The following THRB variants were observed in gnomAD, a reference collection of about 807,000 sequenced individuals.
THRB encodes the protein thyroid hormone receptor beta.
In THRB, 12 loss-of-function variants were observed where a neutral mutation model predicts 47.8. The ratio of observed to expected loss-of-function variants is 0.25; its 90% CI spans 0.16 to 0.41. The LOEUF is 0.41. THRB is among the 10% of genes least tolerant of loss of function. THRB has a pLI of 1.00. For missense variants in THRB, 348 were observed against 589.2 expected, an observed-to-expected ratio of 0.59 and a Z score of 4.24; for synonymous variants, 218 against 212.2, an observed-to-expected ratio of 1.03 and a Z score of -0.24.
intron 1 of THRB, among the ~76,000 whole-genome samples, chr3:24,482,140 C>A (rs1378428238): frequency 2.0e-5 from 3 of 152,160 alleles, no homozygotes; most frequent in Non-Finnish European, 4.4e-5. Context: ...GCCTTTTGGA[C>A]AATCATGCTC....
intron 1 of THRB, among the ~76,000 whole-genome samples, chr3:24,345,593 G>A (rs181579239): frequency 3.6e-3 from 541 of 152,224 alleles, no homozygotes; most frequent in Non-Finnish European, 5.8e-3. Flanking sequence ...AAATTAGTAA[G>A]TTCAATATTA....
chr3:24,120,217 C>G lies in THRB; in HGVS notation c.*2667G>C, dbSNP rs1343313032. 6.8e-6 allele frequency: 1 copy of G among 146,962 alleles called. No homozygotes were observed. Among genetic ancestry groups the G allele is most frequent in the African/African-American group, 2.6e-5 (1 of 39,126 alleles). 9.1% of individuals were successfully genotyped at this position (146,962 alleles called of 1,614,324 possible). A position where few individuals can be genotyped will look rare whatever the true frequency, so the allele number is the denominator to read the frequency against. On this transcript the variant is annotated 3_prime_UTR_variant, in exon 11 of 11. Coordinates refer to ENST00000646209, the MANE Select transcript of THRB (RefSeq NM_001354712.2). The stretch of plus-strand genomic sequence containing the variant: ...TGAGTCCTATGGCCTTTCCTTTCAA[C>G]CTGAAGGTGGGCTAAGGCTTGTCCT...
intron 1 of THRB, among the ~76,000 whole-genome samples, chr3:24,441,626 A>G (rs1011259649): frequency 6.6e-6 from 1 of 151,956 alleles, no homozygotes; most frequent in African/African-American, 2.4e-5. Flanking sequence ...AAAACATAGC[A>G]TAATCCATAT....
intron 1 of THRB, among the ~76,000 whole-genome samples, chr3:24,359,688 T>C (rs2063936318): frequency 6.6e-6 from 1 of 152,180 alleles, no homozygotes; most frequent in African/African-American, 2.4e-5. Context: ...AACATTGCCA[T>C]GATTCAAAAC....
intron 2 of THRB, among the ~76,000 whole-genome samples, chr3:24,324,160 G>A (rs2058662248): frequency 6.6e-6 from 1 of 152,090 alleles, no homozygotes; most frequent in Admixed American, 6.5e-5. Flanking sequence ...AGATCTACTA[G>A]GATCACACAC....
intron 3 of THRB, among the ~76,000 whole-genome samples, chr3:24,269,395 GCGCGCGCGCACACACACACA>G (rs1559783667): frequency 0.012 from 1,128 of 97,768 alleles, 19 homozygotes; most frequent in African/African-American, 0.048. Context: ...ACACGCGCGC[GCGCGCGCGCACACACACACA>G]CACACACACA....
chr3:24,290,219 T>C (rs754125408), intron 3 of THRB, among the ~76,000 whole-genome samples: 18 of 152,000 alleles, frequency 1.2e-4, no homozygotes, highest in Admixed American at 9.8e-4. Flanking sequence ...TTTTGAGATA[T>C]GAAGGGGTGG....
At chr3:24,402,451 C>T (rs920091936) in intron 1 of THRB, among the ~76,000 whole-genome samples, 3 of 147,578 alleles carry the variant, frequency 2.0e-5, no homozygotes, top group Non-Finnish European at 4.5e-5. Context: ...TGATTTGACA[C>T]TTAATTTGGG....
At chr3:24,447,717 C>T (rs2072238390) in intron 1 of THRB, among the ~76,000 whole-genome samples, 1 of 151,970 alleles carries the variant, frequency 6.6e-6, no homozygotes, top group South Asian at 2.1e-4. Context: ...TAATAAATCC[C>T]CAATGAAAGC....
intron 3 of THRB, among the ~76,000 whole-genome samples, chr3:24,296,707 T>C (rs1451303131): frequency 2.6e-5 from 4 of 152,150 alleles, no homozygotes; most frequent in Non-Finnish European, 4.4e-5. Context: ...GGAGGTATCC[T>C]GTGGAGGGTG....
At chr3:24,435,123 CA>C (rs1336710239) in intron 1 of THRB, among the ~76,000 whole-genome samples, 1 of 152,106 alleles carries the variant, frequency 6.6e-6, no homozygotes, top group Non-Finnish European at 1.5e-5. Flanking sequence ...GTTGGAGAGA[CA>C]AGGTCTATAA....
intron 3 of THRB, among the ~76,000 whole-genome samples, chr3:24,241,074 T>C (rs1044537190): frequency 6.6e-6 from 1 of 152,102 alleles, no homozygotes; most frequent in Non-Finnish European, 1.5e-5. Context: ...CACCTGAATT[T>C]GGGACGCTCA....
intron 1 of THRB, among the ~76,000 whole-genome samples, chr3:24,367,216 C>T (rs1505293): frequency 0.013 from 2,012 of 152,184 alleles, 14 homozygotes; most frequent in Non-Finnish European, 0.017. Context: ...CAGAGGTCAA[C>T]GAATACACTG....
chr3:24,249,049 T>C (rs1414126824), intron 3 of THRB, among the ~76,000 whole-genome samples: 1 of 152,130 alleles, frequency 6.6e-6, no homozygotes, highest in African/African-American at 2.4e-5. Context: ...GCTACACTTG[T>C]GAAAGTGCAG....
At chr3:24,432,715 T>A (rs559840793) in intron 1 of THRB, among the ~76,000 whole-genome samples, 6 of 152,224 alleles carry the variant, frequency 3.9e-5, no homozygotes, top group African/African-American at 7.2e-5. Flanking sequence ...GAAATTTTTT[T>A]AAAATTTTAG....
chr3:24,372,992 G>C (rs1413660935), intron 1 of THRB, among the ~76,000 whole-genome samples: 1 of 152,090 alleles, frequency 6.6e-6, no homozygotes, highest in Non-Finnish European at 1.5e-5. Context: ...GCCTCAAGGG[G>C]CCGAGGGGCC....
intron 1 of THRB, among the ~76,000 whole-genome samples, chr3:24,363,625 G>A (rs926063817): frequency 4.6e-5 from 7 of 152,112 alleles, no homozygotes; most frequent in Non-Finnish European, 1.0e-4. Context: ...CTTTTTGAAG[G>A]TTGTCTGAAG....
chr3:24,403,581 C>T (rs944768417), intron 1 of THRB, among the ~76,000 whole-genome samples: 31 of 151,882 alleles, frequency 2.0e-4, no homozygotes, highest in Admixed American at 1.5e-3. Context: ...ATCTGTGGCA[C>T]GAATCAAGGT....
intron 6 of THRB, among the ~76,000 whole-genome samples, chr3:24,151,377 A>G (rs1575428988): frequency 6.6e-6 from 1 of 152,196 alleles, no homozygotes; most frequent in East Asian, 1.9e-4. Flanking sequence ...GGGCAGTTGG[A>G]GAAGCGGAAG....
Sources: gnomAD v4.1 joint callset for allele counts (sites outside exome capture counted in the v4.1 genomes callset) on GRCh38, gnomAD v4.1.1 for gene constraint, MANE v1.5 for transcripts, NCBI Gene and HGNC (gene_info 2026-07-23, HGNC 2026-07-21) for gene names.